Variants in MTMR12 observed in about 807,000 individuals in gnomAD.
The protein encoded by MTMR12 is myotubularin related protein 12.
Under a neutral mutation model 96.7 loss-of-function variants are expected in MTMR12, and 33 were observed. The ratio of observed to expected loss-of-function variants is 0.34; its 90% CI spans 0.26 to 0.46. The LOEUF (loss-of-function observed/expected upper bound fraction) is 0.46. MTMR12 is among the 20% of genes least tolerant of loss of function. The probability of loss-of-function intolerance (pLI) is 1.00; values close to 1 mark genes in which losing one functional copy is unlikely to be tolerated. For missense variants in MTMR12, 721 were observed against 896.1 expected (o/e 0.80, Z 2.49); for synonymous variants, 298 against 327.2 (o/e 0.91, Z 0.96).
At position 32,305,097 on chromosome 5, in the gene MTMR12, C is replaced by CT. The variant is rs1000984834; in HGVS notation, c.81+7660dup. Reference sequence around the variant, plus strand: ...ATGGAGAAAAGGCTATGAATTCTTTCTTTTTTTTTGAGACGGGGTCTTGCT... The same window carrying CT: ...ATGGAGAAAAGGCTATGAATTCTTTCTTTTTTTTTTGAGACGGGGTCTTGCT... On this transcript the variant is annotated intron_variant, in intron 1 of 15. Coordinates refer to ENST00000382142, the MANE Select transcript of MTMR12 (RefSeq NM_001040446.3). Among the ~76,000 whole-genome samples the CT allele has an allele frequency of 1.9e-3, 289 of 151,440 alleles. 1 individual carries two copies. Among genetic ancestry groups the CT allele is most frequent in the African/African-American group, 6.5e-3 (268 of 41,302 alleles).
Position 32,249,262 on chromosome 5 carries a change from T to A in MTMR12, c.790-384A>T, listed in dbSNP as rs189812001. ...TAATTGTTATGGTAACTCTCTGTGA[T>A]GGGTATGATTATTTATCCCCCTTAA... On this transcript the variant is annotated intron_variant, in intron 8 of 15. Transcript: ENST00000382142. Among the ~76,000 whole-genome samples the A allele has an allele frequency of 7.4e-4, 113 of 152,348 alleles. 1 individual carries two copies. Among genetic ancestry groups the A allele is most frequent in the Middle Eastern group, 3.4e-3 (1 of 294 alleles).
At chr5:32,289,295 A>C (rs1750657551) in intron 1 of MTMR12, among the ~76,000 whole-genome samples, 1 of 152,246 alleles carries the variant, frequency 6.6e-6, no homozygotes, top group African/African-American at 2.4e-5. Flanking sequence ...TCTAATGCAC[A>C]AAAGACTAGT....
intron 1 of MTMR12, among the ~76,000 whole-genome samples, chr5:32,299,652 T>C (rs1034587562): frequency 6.6e-6 from 1 of 152,174 alleles, no homozygotes; most frequent in Non-Finnish European, 1.5e-5. Context: ...ACAGGCTCAC[T>C]AAGGGCCAGA....
intron 15 of MTMR12, among the ~76,000 whole-genome samples, chr5:32,231,677 C>T (rs1230378525): frequency 2.6e-5 from 4 of 151,960 alleles, no homozygotes; most frequent in Non-Finnish European, 4.4e-5. Flanking sequence ...AAAAAGAAAA[C>T]AAAACCATCC....
intron 8 of MTMR12, among the ~76,000 whole-genome samples, chr5:32,252,820 G>C (rs1748990740): frequency 6.6e-6 from 1 of 152,180 alleles, no homozygotes; most frequent in Non-Finnish European, 1.5e-5. Context: ...AGAGAAAACA[G>C]TTTGATGTTC....
intron 15 of MTMR12, among the ~76,000 whole-genome samples, chr5:32,231,653 A>G (rs945552402): frequency 2.0e-5 from 3 of 152,238 alleles, no homozygotes; most frequent in Admixed American, 2.0e-4. Context: ...ATATGGAATA[A>G]CAATAAAAAT....
In MTMR12 at chr5:32,255,798, G is replaced by A. The variant is rs780195258; in HGVS notation, c.714-30C>T. 8 of 1,559,448 alleles carry A rather than the reference G, an allele frequency of 5.1e-6. No individual in the cohort carries two copies. In the East Asian group the frequency reaches 1.8e-4, roughly 35 times the overall value. On this transcript the variant is annotated intron_variant, in intron 7 of 15. Coordinates refer to ENST00000382142, the MANE Select transcript of MTMR12 (RefSeq NM_001040446.3). ...AAGAAAGAAATGTCATCAAGTTTTA[G>A]TACAACACTTAATTCACAAAATATG...
chr5:32,273,008 G>A (rs11948227), intron 3 of MTMR12, among the ~76,000 whole-genome samples: 50,169 of 151,926 alleles, frequency 0.33, 8,634 homozygotes, highest in East Asian at 0.49. Context: ...AACATATGGT[G>A]CTCTCCTAGT....
chr5:32,231,909 C>T (rs1254428107), intron 15 of MTMR12, among the ~76,000 whole-genome samples: 5 of 152,196 alleles, frequency 3.3e-5, no homozygotes, highest in African/African-American at 9.7e-5. Flanking sequence ...TATTATTGCC[C>T]CACTTTACAA....
At chr5:32,246,175 T>TTTTTTTTTGTTTGG (rs1429294701) in intron 10 of MTMR12, among the ~76,000 whole-genome samples, 3 of 146,648 alleles carry the variant, frequency 2.0e-5, no homozygotes, top group African/African-American at 5.0e-5. Flanking sequence ...AGACAGTTTT[T>TTTTTTTTTGTTTGG]TTTTTTTTTG....
chr5:32,300,932 G>A (rs780424778), intron 1 of MTMR12, among the ~76,000 whole-genome samples: 19 of 152,030 alleles, frequency 1.2e-4, no homozygotes, highest in African/African-American at 2.9e-4. Flanking sequence ...AAAATTAGCC[G>A]GGTGTGGTGG....
At chr5:32,303,328 A>C (rs1447329200) in intron 1 of MTMR12, among the ~76,000 whole-genome samples, 2 of 152,196 alleles carry the variant, frequency 1.3e-5, no homozygotes, top group Non-Finnish European at 2.9e-5. Context: ...TGCTTTCCTT[A>C]GAGTTGCGAT....
chr5:32,300,194 T>C (rs1751086257), intron 1 of MTMR12, among the ~76,000 whole-genome samples: 1 of 152,114 alleles, frequency 6.6e-6, no homozygotes, highest in African/African-American at 2.4e-5. Context: ...TAACAAATCT[T>C]CCAGTTCAAG....
intron 13 of MTMR12, 108 bp downstream of exon 13, chr5:32,238,893 G>T: frequency 8.1e-7 from 1 of 1,233,824 alleles, no homozygotes; most frequent in Non-Finnish European, 1.1e-6. Flanking sequence ...AAACCTGTTT[G>T]GCTTACACTT....
Position 32,231,381 on chromosome 5 carries a change from C to CAAAAAAA in MTMR12, c.1675-1041_1675-1035dup, listed in dbSNP as rs548654471. On this transcript the variant is annotated intron_variant, in intron 15 of 15. Transcript: ENST00000382142. ...GCAATGACAGCAAAACTCTGGCTCG[C>CAAAAAAA]AAAAAAAAAAAAAAAAAAAGGGTTG... is the stretch of plus-strand genomic sequence containing the variant. Among the ~76,000 whole-genome samples the CAAAAAAA allele has an allele frequency of 6.5e-3, 307 of 47,192 alleles. 11 individuals are homozygous for CAAAAAAA. Among genetic ancestry groups the CAAAAAAA allele is most frequent in the African/African-American group, 0.021 (294 of 13,714 alleles). The allele number at this position is 47,192 out of a possible 152,430, so 31.0% of individuals were successfully genotyped here.
At chr5:32,265,522 T>C (rs1749554216) in intron 6 of MTMR12, among the ~76,000 whole-genome samples, 1 of 152,214 alleles carries the variant, frequency 6.6e-6, no homozygotes, top group South Asian at 2.1e-4. Context: ...TAAATGTTTA[T>C]ACAAATTATA....
intron 1 of MTMR12, among the ~76,000 whole-genome samples, chr5:32,308,309 G>C (rs1040660241): frequency 6.6e-6 from 1 of 151,674 alleles, no homozygotes; most frequent in Non-Finnish European, 1.5e-5. Flanking sequence ...GTGACAGAAC[G>C]AGGCTCCATC....
chr5:32,261,646 T>TGATA (rs1749362402), intron 7 of MTMR12, among the ~76,000 whole-genome samples: 2 of 152,226 alleles, frequency 1.3e-5, no homozygotes, highest in Admixed American at 1.3e-4. Context: ...CCCTCCAGAA[T>TGATA]GATAGCTCCA....
At chr5:32,278,513 C>T (rs1290003003) in intron 1 of MTMR12, among the ~76,000 whole-genome samples, 1 of 152,074 alleles carries the variant, frequency 6.6e-6, no homozygotes, top group Non-Finnish European at 1.5e-5. Flanking sequence ...TAGGGCTTTT[C>T]CTGAGAACTC....
Sources: gnomAD v4.1 joint callset for allele counts (sites outside exome capture counted in the v4.1 genomes callset) on GRCh38, gnomAD v4.1.1 for gene constraint, MANE v1.5 for transcripts, NCBI Gene and HGNC (gene_info 2026-07-23, HGNC 2026-07-21) for gene names.